The following ZNF665 variants were observed in gnomAD, a reference collection of about 807,000 sequenced individuals.
ZNF665 encodes the protein zinc finger protein 665.
Under a neutral mutation model 7.9 loss-of-function variants are expected in ZNF665, and 6 were observed. The observed-to-expected ratio is 0.76, with a 90% CI of 0.42 to 1.50. The LOEUF (loss-of-function observed/expected upper bound fraction) is 1.50, where lower values mean the gene tolerates loss of function less well. Among genes scored for constraint, ZNF665 ranks in the 40% most tolerant of loss-of-function variants. The probability of loss-of-function intolerance (pLI) is 0.01; values close to 1 mark genes in which losing one functional copy is unlikely to be tolerated. For synonymous variants in ZNF665, 242 were observed against 274.5 expected (o/e 0.88, Z 1.17); for missense variants, 819 against 806.7 (o/e 1.02, Z -0.18).
intron 2 of ZNF665, among the ~76,000 whole-genome samples, chr19:53,179,377 C>T (rs1258924993): frequency 1.4e-5 from 1 of 70,416 alleles, no homozygotes; most frequent in Non-Finnish European, 2.5e-5. Flanking sequence ...GATTCCGTCT[C>T]AAAAAAAAAA....
chr19:53,174,232 G>A (rs1173907262), intron 3 of ZNF665, among the ~76,000 whole-genome samples: 1 of 152,110 alleles, frequency 6.6e-6, no homozygotes. Context: ...AAGGAGGAGA[G>A]CAACCCTTTT....
intron 2 of ZNF665, chr19:53,182,074 A>G (rs1189102129): frequency 6.6e-6 from 1 of 152,354 alleles, no homozygotes; most frequent in Non-Finnish European, 1.5e-5. Flanking sequence ...TTGGTTGAAT[A>G]TAAGTAATGA....
At chr19:53,179,049 A>G (rs888290566) in intron 2 of ZNF665, among the ~76,000 whole-genome samples, 3 of 152,208 alleles carry the variant, frequency 2.0e-5, no homozygotes, top group Non-Finnish European at 4.4e-5. Context: ...AAATTTGGGT[A>G]GAATCAAAAG....
rs1452334937 is a variant in ZNF665 at position 53,162,573 on chromosome 19, G to A, written c.*1880C>T. The A allele has an allele frequency of 1.3e-5, 2 of 152,070 alleles. No homozygotes were observed. Among genetic ancestry groups the A allele is most frequent in the African/African-American group, 2.4e-5 (1 of 41,422 alleles). 9.4% of individuals were successfully genotyped at this position (152,070 alleles called of 1,614,324 possible). On this transcript the variant is annotated 3_prime_UTR_variant, in exon 4 of 4. Transcript: ENST00000396424. ...TTGATTAAACTTCTTATGCTCGGCC[G>A]GCCGGGCACGGTGGCTCCAGCCCGT...
chr19:53,189,650 G>A lies in ZNF665; in HGVS notation c.-46+3662C>T, dbSNP rs1012113990. Among the ~76,000 whole-genome samples the A allele has an allele frequency of 1.4e-3, 207 of 148,522 alleles. 1 individual carries two copies. The highest frequency in any genetic ancestry group is 3.8e-3 in the African/African-American group (154 of 40,224). ...TGGAACATGAAGGCGGACTAGGAGCGTGACCACCGAAGCACAGCATCACAG... is the reference window on the plus strand; with the variant it reads ...TGGAACATGAAGGCGGACTAGGAGCATGACCACCGAAGCACAGCATCACAG... On this transcript the variant is annotated intron_variant, in intron 1 of 3. Transcript: ENST00000396424.
chr19:53,166,350 G>A lies in ZNF665; in HGVS notation c.143-3C>T. On this transcript the variant is annotated splice_polypyrimidine_tract_variant and splice_region_variant and intron_variant, in intron 3 of 3. Transcript: ENST00000396424. ...GTTTACACATTTACAAGAGATATCT[G>A]TAAGATATAAACAACCATAGATTTC... 3 of 1,549,202 alleles carry A rather than the reference G, an allele frequency of 1.9e-6. No homozygotes were observed. The highest frequency in any genetic ancestry group is 2.6e-6 in the Non-Finnish European group (3 of 1,150,678).
chr19:53,167,745 C>T (rs2090627323), intron 3 of ZNF665, among the ~76,000 whole-genome samples: 1 of 148,260 alleles, frequency 6.7e-6, no homozygotes, highest in Admixed American at 6.7e-5. Flanking sequence ...GGTGCTTGGC[C>T]AACAATTTCT....
chr19:53,185,578 C>A (rs1167368932), intron 1 of ZNF665, among the ~76,000 whole-genome samples: 1 of 152,056 alleles, frequency 6.6e-6, no homozygotes, highest in Admixed American at 6.5e-5. Flanking sequence ...ACTGAAACAG[C>A]TCGTGTCCTT....
intron 2 of ZNF665, among the ~76,000 whole-genome samples, chr19:53,179,377 CAAA>C (rs35184690): frequency 2.8e-5 from 2 of 70,412 alleles, no homozygotes; most frequent in Non-Finnish European, 5.1e-5. Flanking sequence ...GATTCCGTCT[CAAA>C]AAAAAAAAAA....
chr19:53,191,576 G>T (rs2090817000), intron 1 of ZNF665: 1 of 152,228 alleles, frequency 6.6e-6, no homozygotes, highest in African/African-American at 2.4e-5. Context: ...GGGCACAGTG[G>T]CTCATGCCTG....
Position 53,189,179 on chromosome 19 carries a change from G to C in ZNF665, c.-46+4133C>G, listed in dbSNP as rs139549133. ...GTGGAGGAGGGAGCCACACCGTCCT[G>C]AGACTGTGGTGCAAAACTGAAGAGC... is the stretch of plus-strand genomic sequence containing the variant. On this transcript the variant is annotated intron_variant, in intron 1 of 3. Coordinates refer to ENST00000396424, the MANE Select transcript of ZNF665 (RefSeq NM_024733.5). Among the ~76,000 whole-genome samples, 1,253 of 151,978 alleles carry C rather than the reference G, an allele frequency of 8.2e-3. 7 individuals carry two copies. The highest frequency in any genetic ancestry group is 0.014 in the Non-Finnish European group (938 of 68,014).
At chr19:53,189,416 A>G (rs1028605026) in intron 1 of ZNF665, among the ~76,000 whole-genome samples, 21 of 150,136 alleles carry the variant, frequency 1.4e-4, no homozygotes, top group African/African-American at 4.7e-4. Flanking sequence ...GGCAGGGTAA[A>G]GAGTGTGAGT....
At chr19:53,184,998 T>C (rs2090766795) in intron 1 of ZNF665, among the ~76,000 whole-genome samples, 1 of 152,210 alleles carries the variant, frequency 6.6e-6, no homozygotes, top group Admixed American at 6.5e-5. Flanking sequence ...CTTTCCCTAA[T>C]TTGCTACTGC....
At position 53,166,040 on chromosome 19, in the gene ZNF665, A is replaced by G. The variant is rs762070918; in HGVS notation, c.450T>C (p.Pro150=). 6.2e-7 allele frequency: 1 copy of G among 1,614,096 alleles called. No homozygotes were observed. Among genetic ancestry groups the G allele is most frequent in the Non-Finnish European group, 8.5e-7 (1 of 1,179,942 alleles). Residue 150 remains proline, a synonymous_variant, in exon 4 of 4, where the codon CCT becomes CCC. Coordinates refer to ENST00000396424, the MANE Select transcript of ZNF665 (RefSeq NM_024733.5). ...CTTCATGTTGAAATTGCTGCAGTTC[A>G]GGGAGATGTGACTGAAAGCTTACTC... The part of the protein sequence containing the change: ...QLGVSFQSHL[P]ELQQFQHEGK...
chr19:53,164,000 G>T lies in ZNF665; in HGVS notation c.*453C>A, dbSNP rs1402361791. On this transcript the variant is annotated 3_prime_UTR_variant, in exon 4 of 4. Transcript: ENST00000396424. ...ATATTCACAGGATTTGAACTCTGAT[G>T]TCTGTTAATGCTTAAACTCATCAGG... 1 of 154,292 alleles carries T rather than the reference G, an allele frequency of 6.5e-6. No homozygotes were observed. The highest frequency in any genetic ancestry group is 6.4e-5 in the Admixed American group (1 of 15,576). 9.6% of individuals were successfully genotyped at this position (154,292 alleles called of 1,614,324 possible).
chr19:53,191,018 T>C (rs530696848), intron 1 of ZNF665, among the ~76,000 whole-genome samples: 3 of 138,544 alleles, frequency 2.2e-5, no homozygotes, highest in African/African-American at 6.6e-5. Flanking sequence ...GGCAAATTAA[T>C]AGCACCTCAG....
At chr19:53,166,559 G>A (rs1460944584) in intron 3 of ZNF665, among the ~76,000 whole-genome samples, 2 of 152,136 alleles carry the variant, frequency 1.3e-5, no homozygotes, top group Non-Finnish European at 2.9e-5. Flanking sequence ...GGGGATCCTA[G>A]TTTTAAACAT....
In ZNF665 at chr19:53,165,083, T is replaced by C. The variant is rs748922040; in HGVS notation, c.1407A>G (p.Gln469=). The C allele has an allele frequency of 3.7e-6, 6 of 1,613,774 alleles. No homozygotes were observed. The African/African-American group carries it at 8.0e-5, about 22-fold the overall frequency. The change falls in exon 4 of 4, where the codon CAA becomes CAG. Residue 469 remains glutamine (Q), a synonymous_variant. Transcript: ENST00000396424. Reference sequence around the variant, plus strand: ...CCCGATGACTTGCAAGGTGTGAATTTTGTGTGAAGACCTTACCGCAGTCAT... The same window carrying C: ...CCCGATGACTTGCAAGGTGTGAATTCTGTGTGAAGACCTTACCGCAGTCAT... ...KCNDCGKVFT[Q]NSHLASHRGI...
intron 1 of ZNF665, 129 bp from the exon 2 acceptor site, chr19:53,183,072 G>A (rs914199359): frequency 2.0e-6 from 2 of 1,020,216 alleles, no homozygotes; most frequent in Non-Finnish European, 3.0e-6. Context: ...TATACACAGG[G>A]AAGATGGTCC....
Sources: allele counts gnomAD v4.1 joint callset (sites outside exome capture counted in the v4.1 genomes callset), GRCh38; gene constraint gnomAD v4.1.1; transcripts MANE v1.5; gene names NCBI Gene and HGNC (gene_info 2026-07-23, HGNC 2026-07-21).